The following CDH12 variants were observed in gnomAD, a reference collection of about 807,000 sequenced individuals.
CDH12 encodes cadherin-12.
In CDH12, 41 loss-of-function variants were observed where a neutral mutation model predicts 74.1. The ratio of observed to expected loss-of-function variants is 0.55; its 90% CI spans 0.43 to 0.72. The LOEUF is 0.72. CDH12 is among the 30% of genes least tolerant of loss of function. The pLI, the probability that CDH12 is intolerant of heterozygous loss-of-function variation, is 0.00. For synonymous variants in CDH12, 399 were observed against 355.0 expected, an observed-to-expected ratio of 1.12 and a Z score of -1.39; for missense variants, 945 against 977.2, an observed-to-expected ratio of 0.97 and a Z score of 0.44.
intron 1 of CDH12, among the ~76,000 whole-genome samples, chr5:22,652,236 G>A (rs996165034): frequency 1.3e-5 from 2 of 152,084 alleles, no homozygotes; most frequent in Non-Finnish European, 2.9e-5. Flanking sequence ...ATGATCTCCT[G>A]CACAGCACTT....
intron 1 of CDH12, among the ~76,000 whole-genome samples, chr5:22,691,013 A>G (rs1742054375): frequency 1.3e-5 from 2 of 152,110 alleles, no homozygotes; most frequent in African/African-American, 4.8e-5. Context: ...TTTTAGCTAG[A>G]TATGATATTT....
intron 1 of CDH12, among the ~76,000 whole-genome samples, chr5:22,528,974 A>C (rs975164569): frequency 8.6e-6 from 1 of 115,838 alleles, no homozygotes; most frequent in Non-Finnish European, 1.9e-5. Context: ...ATCAAAATCT[A>C]TATTAGGCAG....
At chr5:22,120,870 T>G (rs1745471632) in intron 4 of CDH12, among the ~76,000 whole-genome samples, 1 of 152,178 alleles carries the variant, frequency 6.6e-6, no homozygotes, top group South Asian at 2.1e-4. Flanking sequence ...AAAAATCAAA[T>G]TTAATAATTT....
intron 4 of CDH12, among the ~76,000 whole-genome samples, chr5:22,131,396 C>G (rs916601020): frequency 1.3e-5 from 2 of 152,038 alleles, no homozygotes; most frequent in African/African-American, 4.8e-5. Flanking sequence ...GACCATAGTC[C>G]TAACCCAACT....
intron 1 of CDH12, among the ~76,000 whole-genome samples, chr5:22,624,586 A>T (rs1275445883): frequency 1.3e-5 from 2 of 152,212 alleles, no homozygotes; most frequent in African/African-American, 4.8e-5. Flanking sequence ...CCATCAGAGA[A>T]ATGCAAATCA....
rs961213245 is a variant in CDH12, at chr5:22,841,393, T to C, written c.-523+11665A>G. 1.1e-4 allele frequency among the ~76,000 whole-genome samples: 16 copies of C among 152,252 alleles called. 1 individual carries two copies. In the East Asian group the frequency reaches 1.5e-3, roughly 15 times the overall value. Reference sequence around the variant, plus strand: ...CATCGTGAAATCTGAGCATAGAATATGTTTGTGAGTGAAGACCTATAATTC... The same window carrying C: ...CATCGTGAAATCTGAGCATAGAATACGTTTGTGAGTGAAGACCTATAATTC... On this transcript the variant is annotated intron_variant, in intron 1 of 14. Coordinates refer to ENST00000382254, the MANE Select transcript of CDH12 (RefSeq NM_004061.5).
chr5:21,910,126 T>C (rs1207624017), intron 6 of CDH12, among the ~76,000 whole-genome samples: 1 of 152,156 alleles, frequency 6.6e-6, no homozygotes, highest in Non-Finnish European at 1.5e-5. Context: ...CCACCACTTA[T>C]CTAAATGAGT....
chr5:22,432,283 C>T (rs1255897627), intron 2 of CDH12, among the ~76,000 whole-genome samples: 1 of 151,940 alleles, frequency 6.6e-6, no homozygotes, highest in Non-Finnish European at 1.5e-5. Flanking sequence ...TACCATATAG[C>T]CTAGGTGTGT....
intron 1 of CDH12, among the ~76,000 whole-genome samples, chr5:22,825,517 G>C (rs778943561): frequency 6.6e-6 from 1 of 152,158 alleles, no homozygotes. Flanking sequence ...CAAAAGCCCT[G>C]AATTGGGATT....
At chr5:22,740,904 A>C (rs1394543211) in intron 1 of CDH12, among the ~76,000 whole-genome samples, 3 of 152,144 alleles carry the variant, frequency 2.0e-5, no homozygotes, top group Non-Finnish European at 2.9e-5. Context: ...CATTAAATGA[A>C]CATTGAGATA....
At chr5:22,799,005 T>C (rs1269943255) in intron 1 of CDH12, among the ~76,000 whole-genome samples, 1 of 152,032 alleles carries the variant, frequency 6.6e-6, no homozygotes, top group African/African-American at 2.4e-5. Context: ...TGGTTTCAGG[T>C]ACTTGGGAGG....
chr5:22,402,626 A>C (rs1742776511), intron 3 of CDH12, among the ~76,000 whole-genome samples: 1 of 152,218 alleles, frequency 6.6e-6, no homozygotes, highest in Admixed American at 6.5e-5. Context: ...TGTGAGAAGG[A>C]ATCAGCACTT....
chr5:22,766,510 A>G (rs1484861246), intron 1 of CDH12, among the ~76,000 whole-genome samples: 8 of 152,082 alleles, frequency 5.3e-5, no homozygotes, highest in African/African-American at 1.9e-4. Context: ...GATAACTCCC[A>G]TTTGAAAATT....
At chr5:22,485,896 A>G (rs1746572066) in intron 2 of CDH12, among the ~76,000 whole-genome samples, 1 of 152,218 alleles carries the variant, frequency 6.6e-6, no homozygotes, top group Non-Finnish European at 1.5e-5. Context: ...CTAGGAGGAT[A>G]TCAGAGCAAA....
intron 1 of CDH12, among the ~76,000 whole-genome samples, chr5:22,701,629 A>C (rs886492417): frequency 6.6e-6 from 1 of 151,982 alleles, no homozygotes; most frequent in African/African-American, 2.4e-5. Flanking sequence ...GTCCTAAAGC[A>C]TTGCCTTTTA....
intron 8 of CDH12, 96 bp from the exon 9 acceptor site, chr5:21,817,228 C>G: frequency 3.7e-6 from 3 of 800,408 alleles, no homozygotes; most frequent in Non-Finnish European, 5.9e-6. Flanking sequence ...GAAAGTAAAT[C>G]ACATTTAGAA....
intron 6 of CDH12, among the ~76,000 whole-genome samples, chr5:21,864,094 CATT>C (rs1336239662): frequency 6.6e-6 from 1 of 151,490 alleles, no homozygotes. Context: ...ATAAAAAAGG[CATT>C]ATGCAGCAGA....
chr5:22,350,301 A>G (rs1292075140), intron 3 of CDH12, among the ~76,000 whole-genome samples: 1 of 152,208 alleles, frequency 6.6e-6, no homozygotes, highest in East Asian at 1.9e-4. Flanking sequence ...ATATTATAGA[A>G]GCTACAAGGT....
At position 21,821,758 on chromosome 5, in the gene CDH12, A is replaced by C. The variant is rs988565490; in HGVS notation, c.815-4626T>G. ...TTTGAAATATTACATTTCAATTTAA[A>C]CTTCAAAAAATAAATATAGCACTGA... On this transcript the variant is annotated intron_variant, in intron 8 of 14. Coordinates refer to ENST00000382254, the MANE Select transcript of CDH12 (RefSeq NM_004061.5). Among the ~76,000 whole-genome samples the C allele has an allele frequency of 3.9e-5, 6 of 152,078 alleles. No individual in the cohort carries two copies. The South Asian group carries it at 1.0e-3, about 26-fold the overall frequency.
Sources: allele counts gnomAD v4.1 joint callset (sites outside exome capture counted in the v4.1 genomes callset), GRCh38; gene constraint gnomAD v4.1.1; transcripts MANE v1.5; gene names NCBI Gene and HGNC (gene_info 2026-07-23, HGNC 2026-07-21).